The following TAOK3 variants were observed in gnomAD, a reference collection of about 807,000 sequenced individuals.
The protein encoded by TAOK3 is serine/threonine-protein kinase TAO3.
TAOK3 carries 40 observed loss-of-function variants against 120.4 expected under a neutral mutation model. The observed-to-expected ratio is 0.33, with a 90% CI of 0.26 to 0.43. The LOEUF (loss-of-function observed/expected upper bound fraction) is 0.43. TAOK3 is among the 20% of genes least tolerant of loss of function. TAOK3 has a pLI of 1.00. For synonymous variants in TAOK3, 355 were observed against 387.5 expected, an observed-to-expected ratio of 0.92 and a Z score of 0.99; for missense variants, 821 against 1,112.1, an observed-to-expected ratio of 0.74 and a Z score of 3.72.
chr12:118,243,648 C>CTA, intron 4 of TAOK3, 132 bp from the exon 5 acceptor site: 1 of 453,376 alleles, frequency 2.2e-6, no homozygotes, highest in Non-Finnish European at 3.8e-6. Flanking sequence ...AATGAAGAAG[C>CTA]TATTTAAACA....
intron 1 of TAOK3, among the ~76,000 whole-genome samples, chr12:118,341,012 A>G (rs1211120201): frequency 6.7e-6 from 1 of 148,670 alleles, no homozygotes; most frequent in Non-Finnish European, 1.5e-5. Flanking sequence ...TTTTTTTGAG[A>G]CAGAGTCTCA....
chr12:118,172,709 C>A (rs760314265), intron 16 of TAOK3, 49 bp from the exon 17 acceptor site: 1 of 1,472,238 alleles, frequency 6.8e-7, no homozygotes, highest in East Asian at 2.3e-5. Context: ...ATGAAAGGGA[C>A]TGTAACAGCT....
intron 1 of TAOK3, among the ~76,000 whole-genome samples, chr12:118,351,087 G>A (rs1188577089): frequency 1.3e-5 from 2 of 152,108 alleles, no homozygotes; most frequent in East Asian, 1.9e-4. Context: ...GCTGAGGCAC[G>A]AGAATCACTT....
chr12:118,191,579 C>G (rs1250905807), intron 13 of TAOK3, among the ~76,000 whole-genome samples: 1 of 152,152 alleles, frequency 6.6e-6, no homozygotes, highest in African/African-American at 2.4e-5. Context: ...GCTTATAAAA[C>G]TTGTAAGTTT....
intron 9 of TAOK3, among the ~76,000 whole-genome samples, chr12:118,233,008 T>A (rs2039850532): frequency 6.6e-6 from 1 of 151,986 alleles, no homozygotes; most frequent in African/African-American, 2.4e-5. Flanking sequence ...AACCCAAATG[T>A]CCAACAAAGA....
chr12:118,369,749 T>G (rs2045845883), intron 1 of TAOK3, among the ~76,000 whole-genome samples: 1 of 150,734 alleles, frequency 6.6e-6, no homozygotes, highest in African/African-American at 2.5e-5. Context: ...AAAAATAAAT[T>G]TAATGTAAAA....
At chr12:118,315,951 C>A (rs2043441694) in intron 1 of TAOK3, among the ~76,000 whole-genome samples, 1 of 152,114 alleles carries the variant, frequency 6.6e-6, no homozygotes, top group African/African-American at 2.4e-5. Context: ...ATGGTATGGA[C>A]TCAAGACAGC....
At chr12:118,245,283 G>A (rs1417245777) in intron 3 of TAOK3, among the ~76,000 whole-genome samples, 2 of 151,802 alleles carry the variant, frequency 1.3e-5, no homozygotes, top group Non-Finnish European at 2.9e-5. Flanking sequence ...TGATCCGCCC[G>A]CCTCGGCCTC....
intron 1 of TAOK3, among the ~76,000 whole-genome samples, chr12:118,275,992 G>A (rs1444579531): frequency 6.6e-6 from 1 of 152,166 alleles, no homozygotes; most frequent in Non-Finnish European, 1.5e-5. Flanking sequence ...GTAAGGGAAA[G>A]TGAACAATGG....
intron 9 of TAOK3, among the ~76,000 whole-genome samples, chr12:118,221,140 C>T (rs1230803830): frequency 6.6e-6 from 1 of 152,234 alleles, no homozygotes; most frequent in Non-Finnish European, 1.5e-5. Flanking sequence ...CATTAGATAG[C>T]TTCCAAAGCC....
rs142565321 is a variant in TAOK3 at position 118,204,800 on chromosome 12, C to T, written c.820-3337G>A. Among the ~76,000 whole-genome samples, 1,167 of 152,260 alleles carry T rather than the reference C, an allele frequency of 7.7e-3. 6 individuals carry two copies. Among genetic ancestry groups the T allele is most frequent in the Non-Finnish European group, 0.011 (771 of 68,010 alleles). On this transcript the variant is annotated intron_variant, in intron 11 of 20. Coordinates refer to ENST00000392533, the MANE Select transcript of TAOK3 (RefSeq NM_016281.4). ...ATCCCGGAACTTTGGGAGGCCAAGGCGGGCAGATCACCTGAGACTAAGAGT... is the reference window on the plus strand; with the variant it reads ...ATCCCGGAACTTTGGGAGGCCAAGGTGGGCAGATCACCTGAGACTAAGAGT...
chr12:118,235,923 T>A, intron 7 of TAOK3: 2 of 349,500 alleles, frequency 5.7e-6, no homozygotes, highest in African/African-American at 2.0e-5. Flanking sequence ...AGGGAGGGAA[T>A]ACAAATGAGA....
chr12:118,247,672 G>A (rs2040576164), intron 3 of TAOK3, among the ~76,000 whole-genome samples: 3 of 151,976 alleles, frequency 2.0e-5, no homozygotes, highest in South Asian at 4.2e-4. Flanking sequence ...CCACCACCAC[G>A]CCTGGCTAAT....
chr12:118,332,640 T>C (rs561078078), intron 1 of TAOK3, among the ~76,000 whole-genome samples: 1 of 152,246 alleles, frequency 6.6e-6, no homozygotes, highest in Non-Finnish European at 1.5e-5. Flanking sequence ...GTTACTGTCC[T>C]GCTGTTCATT....
chr12:118,204,505 T>C (rs894821084), intron 11 of TAOK3, among the ~76,000 whole-genome samples: 2 of 152,234 alleles, frequency 1.3e-5, no homozygotes, highest in African/African-American at 4.8e-5. Context: ...TGGTTTTTGC[T>C]GTTGCTTTTA....
intron 1 of TAOK3, among the ~76,000 whole-genome samples, chr12:118,332,854 A>T (rs966781178): frequency 1.2e-4 from 18 of 152,334 alleles, no homozygotes; most frequent in African/African-American, 4.1e-4. Context: ...TATCAGATAA[A>T]GTGGACTTCA....
chr12:118,168,349 C>A (rs773202935), intron 17 of TAOK3, among the ~76,000 whole-genome samples: 1 of 152,180 alleles, frequency 6.6e-6, no homozygotes, highest in Non-Finnish European at 1.5e-5. Context: ...CCTACTCAAC[C>A]CCATGCACAC....
At chr12:118,320,228 T>C (rs1378075228) in intron 1 of TAOK3, among the ~76,000 whole-genome samples, 1 of 152,074 alleles carries the variant, frequency 6.6e-6, no homozygotes, top group Non-Finnish European at 1.5e-5. Context: ...GTACAGAATT[T>C]CTGCTTGGGA....
rs763473530 is a variant in TAOK3 at position 118,234,212 on chromosome 12, A to ATTTTTTTTTTTTTTTTTTTTTTTTTTT, written c.552-474_552-448dup. On this transcript the variant is annotated intron_variant, in intron 8 of 20. Transcript: ENST00000392533. ...TTAAAGTAATTAAATAAAGCAGGAAATTTTTTTTTTTTTTTTTTTTTTTTT... is the reference window on the plus strand; with the variant it reads ...TTAAAGTAATTAAATAAAGCAGGAAATTTTTTTTTTTTTTTTTTTTTTTTTTTTTTTTTTTTTTTTTTTTTTTTTTTT... 6.2e-4 allele frequency among the ~76,000 whole-genome samples: 36 copies of ATTTTTTTTTTTTTTTTTTTTTTTTTTT among 58,338 alleles called. 9 individuals are homozygous for ATTTTTTTTTTTTTTTTTTTTTTTTTTT. Among genetic ancestry groups the ATTTTTTTTTTTTTTTTTTTTTTTTTTT allele is most frequent in the South Asian group, 9.3e-4 (1 of 1,074 alleles). 38.3% of individuals were successfully genotyped at this position (58,338 alleles called of 152,430 possible). A position where few individuals can be genotyped will look rare whatever the true frequency, so the allele number is the denominator to read the frequency against.
Sources: gnomAD v4.1 joint callset for allele counts (sites outside exome capture counted in the v4.1 genomes callset) on GRCh38, gnomAD v4.1.1 for gene constraint, MANE v1.5 for transcripts, NCBI Gene and HGNC (gene_info 2026-07-23, HGNC 2026-07-21) for gene names.